Variants in BRINP3 observed in about 807,000 individuals in gnomAD.
The protein encoded by BRINP3 is BMP/retinoic acid inducible neural specific 3, also known as BMP/retinoic acid-inducible neural-specific protein 3.
Under a neutral mutation model 71.0 loss-of-function variants are expected in BRINP3, and 19 were observed. The ratio of observed to expected loss-of-function variants is 0.27; its 90% confidence interval spans 0.19 to 0.39. The LOEUF (loss-of-function observed/expected upper bound fraction) is 0.39, where lower values mean the gene tolerates loss of function less well. Among genes scored for constraint, BRINP3 ranks in the 10% least tolerant of loss-of-function variants. The pLI is 1.00. For missense variants in BRINP3, 959 were observed against 940.8 expected, an observed-to-expected ratio of 1.02 and a Z score of -0.25; for synonymous variants, 380 against 337.7, an observed-to-expected ratio of 1.13 and a Z score of -1.37.
rs1324902395 is a variant in BRINP3, at chr1:190,327,186, G to A, written c.237-45436C>T. Among the ~76,000 whole-genome samples, 6 of 150,878 alleles carry A rather than the reference G, an allele frequency of 4.0e-5. No individual in the cohort carries two copies. The East Asian group carries it at 9.8e-4, about 25-fold the overall frequency. ...AAAAATTAGACAGGCGTTTTGTTGG[G>A]CACCTGTAATCCCGGCTACTTGGAA... On this transcript the variant is annotated intron_variant, in intron 2 of 7. Transcript: ENST00000367462.
At chr1:190,143,685 A>C (rs540087049) in intron 7 of BRINP3, among the ~76,000 whole-genome samples, 2 of 152,260 alleles carry the variant, frequency 1.3e-5, no homozygotes, top group South Asian at 4.1e-4. Context: ...AACACCCAAC[A>C]TATAAGAATG....
At chr1:190,207,701 T>C (rs116501732) in intron 6 of BRINP3, among the ~76,000 whole-genome samples, 2,237 of 152,262 alleles carry the variant, frequency 0.015, 43 homozygotes, top group African/African-American at 0.051. Context: ...ATGAGTCATG[T>C]GGCTACACTT....
At chr1:190,249,402 C>T (rs757714380) in intron 4 of BRINP3, among the ~76,000 whole-genome samples, 1 of 151,710 alleles carries the variant, frequency 6.6e-6, no homozygotes, top group Non-Finnish European at 1.5e-5. Context: ...ACTATGTATA[C>T]ATTTTGCTTT....
chr1:190,221,365 T>C (rs1326365048), intron 6 of BRINP3, among the ~76,000 whole-genome samples: 1 of 152,188 alleles, frequency 6.6e-6, no homozygotes, highest in South Asian at 2.1e-4. Flanking sequence ...GTCTTCTCTT[T>C]AGCATAACTT....
chr1:190,242,828 T>C (rs1659237799), intron 4 of BRINP3, among the ~76,000 whole-genome samples: 1 of 152,098 alleles, frequency 6.6e-6, no homozygotes, highest in South Asian at 2.1e-4. Flanking sequence ...ATATATTTAT[T>C]TGAAGTAAAC....
At chr1:190,297,263 T>A (rs772832669) in intron 2 of BRINP3, among the ~76,000 whole-genome samples, 1 of 151,942 alleles carries the variant, frequency 6.6e-6, no homozygotes, top group African/African-American at 2.4e-5. Context: ...TTTTTGACAA[T>A]GGTGTGAAGA....
intron 2 of BRINP3, among the ~76,000 whole-genome samples, chr1:190,450,129 G>C (rs1438150969): frequency 6.6e-6 from 1 of 152,102 alleles, no homozygotes; most frequent in Admixed American, 6.6e-5. Context: ...GTGAGAGAGA[G>C]AGATCATTTT....
chr1:190,228,711 A>G (rs1657642942), intron 5 of BRINP3, among the ~76,000 whole-genome samples: 1 of 151,952 alleles, frequency 6.6e-6, no homozygotes, highest in African/African-American at 2.4e-5. Context: ...CACCGATAAG[A>G]ACTAGTTGGT....
chr1:190,230,957 T>C (rs1657918897), intron 5 of BRINP3, among the ~76,000 whole-genome samples: 2 of 151,492 alleles, frequency 1.3e-5, no homozygotes, highest in South Asian at 4.1e-4. Context: ...TATACATATA[T>C]TTACTGAAAA....
At chr1:190,171,944 A>G (rs61819033) in intron 6 of BRINP3, among the ~76,000 whole-genome samples, 1 of 150,622 alleles carries the variant, frequency 6.6e-6, no homozygotes, top group Admixed American at 6.6e-5. Context: ...CCAACTCTAT[A>G]ATTTTTTTTT....
chr1:190,230,955 T>C (rs999816111), intron 5 of BRINP3, among the ~76,000 whole-genome samples: 1 of 151,484 alleles, frequency 6.6e-6, no homozygotes, highest in East Asian at 1.9e-4. Flanking sequence ...TGTATACATA[T>C]ATTTACTGAA....
chr1:190,361,305 T>A (rs1411521768), intron 2 of BRINP3, among the ~76,000 whole-genome samples: 4 of 152,050 alleles, frequency 2.6e-5, no homozygotes, highest in Non-Finnish European at 5.9e-5. Context: ...AGATTAGAGA[T>A]ATCAGGAGCC....
intron 2 of BRINP3, among the ~76,000 whole-genome samples, chr1:190,355,921 T>C (rs1330565382): frequency 1.3e-5 from 2 of 151,930 alleles, no homozygotes; most frequent in East Asian, 1.9e-4. Context: ...TCCCTAGTCA[T>C]ATAATTTATA....
chr1:190,409,307 T>C (rs1672503548), intron 2 of BRINP3, among the ~76,000 whole-genome samples: 1 of 152,172 alleles, frequency 6.6e-6, no homozygotes, highest in Admixed American at 6.5e-5. Context: ...TTATTTTATT[T>C]AGTATACTGC....
intron 4 of BRINP3, among the ~76,000 whole-genome samples, chr1:190,257,343 AT>A (rs1268898007): frequency 6.6e-6 from 1 of 152,096 alleles, no homozygotes; most frequent in East Asian, 1.9e-4. Flanking sequence ...CCATCGGGTC[AT>A]TTAAGGTCTT....
In BRINP3 at chr1:190,454,851, G is replaced by C; in HGVS notation, c.40C>G (p.Leu14Val). ...RSRAGAELFS[L>V]MALWEWIALS... ...GCTATCCACTCCCATAGAGCCATCA[G>C]AGAGAACAATTCAGCACCAGCTCTG... Residue 14 changes from leucine (L) to valine (V), a missense_variant, in exon 2 of 8, where the codon CTG (leucine) becomes GTG (valine). Coordinates refer to ENST00000367462, the MANE Select transcript of BRINP3 (RefSeq NM_199051.3). The C allele has an allele frequency of 6.2e-7, 1 of 1,614,164 alleles. No homozygotes were observed. Among genetic ancestry groups the C allele is most frequent in the Non-Finnish European group, 8.5e-7 (1 of 1,180,028 alleles).
intron 2 of BRINP3, among the ~76,000 whole-genome samples, chr1:190,406,188 G>A (rs1672268073): frequency 6.6e-6 from 1 of 152,166 alleles, no homozygotes; most frequent in Non-Finnish European, 1.5e-5. Context: ...GATTGTTACA[G>A]GATAATGGAT....
At chr1:190,263,632 C>T (rs895350730) in intron 4 of BRINP3, among the ~76,000 whole-genome samples, 7 of 150,012 alleles carry the variant, frequency 4.7e-5, no homozygotes, top group Admixed American at 1.3e-4. Context: ...CTCTGTCGCC[C>T]AGACTGGAGT....
At chr1:190,308,482 G>A (rs1407182320) in intron 2 of BRINP3, among the ~76,000 whole-genome samples, 1 of 151,580 alleles carries the variant, frequency 6.6e-6, no homozygotes, top group Non-Finnish European at 1.5e-5. Flanking sequence ...TCACACACTG[G>A]GGACTGTTGT....
Sources: allele counts gnomAD v4.1 joint callset (sites outside exome capture counted in the v4.1 genomes callset), GRCh38; gene constraint gnomAD v4.1.1; transcripts MANE v1.5; gene names NCBI Gene and HGNC (gene_info 2026-07-23, HGNC 2026-07-21).